The following ADGRG1 variants were observed in gnomAD, a reference collection of about 807,000 sequenced individuals.
ADGRG1 encodes 7-transmembrane protein with no EGF-like N-terminal domains-1.
ADGRG1 carries 53 observed loss-of-function variants against 73.5 expected under a neutral mutation model. The ratio of observed to expected loss-of-function variants is 0.72; its 90% CI spans 0.58 to 0.91. The LOEUF is 0.91. Among genes scored for constraint, ADGRG1 ranks in the 40% least tolerant of loss-of-function variants. ADGRG1 has a pLI of 0.00. For missense variants in ADGRG1, 795 were observed against 871.8 expected (o/e 0.91, Z 1.11); for synonymous variants, 394 against 374.4 (o/e 1.05, Z -0.60).
rs766928048 is a variant in ADGRG1, at chr16:57,639,748, CCT to C, written c.-35-10504_-35-10503del. On this transcript the variant is annotated intron_variant, in intron 1 of 13. Coordinates refer to ENST00000562631, the MANE Select transcript of ADGRG1 (RefSeq NM_201525.4). ...CCCTCTCCCTGCTCCCCGCTTCTCC[CCT>C]GTCTTCCTCCTTCACTCCCCTTCCC... The C allele has an allele frequency of 1.8e-3, 1,537 of 845,370 alleles. 4 individuals carry two copies. The highest frequency in any genetic ancestry group is 2.1e-3 in the Non-Finnish European group (1,482 of 702,056). The allele number at this position is 845,370 out of a possible 1,614,324, so 52.4% of individuals were successfully genotyped here. A position where few individuals can be genotyped will look rare whatever the true frequency, so the allele number is the denominator to read the frequency against.
chr16:57,640,653 GGGCCCAGGCACA>G (rs1479364324), intron 1 of ADGRG1, among the ~76,000 whole-genome samples: 2 of 152,346 alleles, frequency 1.3e-5, no homozygotes, highest in Non-Finnish European at 1.5e-5. Flanking sequence ...TCCCTGGACG[GGGCCCAGGCACA>G]GTCAGGCTCG....
intron 1 of ADGRG1, chr16:57,646,687 C>T: frequency 1.0e-6 from 1 of 985,082 alleles, no homozygotes; most frequent in Non-Finnish European, 1.2e-6. Flanking sequence ...TCAATGCCAG[C>T]TCTACAAGGA....
At chr16:57,660,483 C>T in intron 11 of ADGRG1, 1 of 795,016 alleles carries the variant, frequency 1.3e-6, no homozygotes, top group African/African-American at 1.9e-5. Context: ...CCTGTGACAT[C>T]CAGCCCTGCA....
At chr16:57,630,751 T>A in intron 1 of ADGRG1, 1 of 241,642 alleles carries the variant, frequency 4.1e-6, no homozygotes, top group Non-Finnish European at 6.7e-6. Flanking sequence ...AGGGAGCCTC[T>A]GCGGAAGGCA....
chr16:57,664,882 G>A lies in ADGRG1; in HGVS notation c.*1300G>A, dbSNP rs1301425368. 3 of 154,006 alleles carry A rather than the reference G, an allele frequency of 1.9e-5. No individual in the cohort carries two copies. The highest frequency in any genetic ancestry group is 1.9e-4 in the East Asian group (1 of 5,206). 9.5% of individuals were successfully genotyped at this position (154,006 alleles called of 1,614,324 possible). ...GGAGTCAGCGTTCAATCTTGACCTTGAAGATGGGAAGGATGTTCTTTTTAC... is the reference window on the plus strand; with the variant it reads ...GGAGTCAGCGTTCAATCTTGACCTTAAAGATGGGAAGGATGTTCTTTTTAC... On this transcript the variant is annotated 3_prime_UTR_variant, in exon 14 of 14. Coordinates refer to ENST00000562631, the MANE Select transcript of ADGRG1 (RefSeq NM_201525.4).
In ADGRG1 at chr16:57,659,613, G is replaced by A. The variant is rs770608620; in HGVS notation, c.1487G>A (p.Arg496Gln). 9.3e-6 allele frequency: 15 copies of A among 1,613,164 alleles called. No homozygotes were observed. The highest frequency in any genetic ancestry group is 1.6e-4 in the Middle Eastern group (1 of 6,080). ...WMGLEGYNLYRLVVEVFGTYV... is the reference protein window; with the variant it reads ...WMGLEGYNLYQLVVEVFGTYV... Reference sequence around the variant, plus strand: ...GGCCTCGAGGGGTACAACCTCTACCGACTCGTGGTGGAGGTCTTTGGCACC... The same window carrying A: ...GGCCTCGAGGGGTACAACCTCTACCAACTCGTGGTGGAGGTCTTTGGCACC... The change falls in exon 11 of 14, where the codon CGA becomes CAA. Residue 496 changes from arginine to glutamine, a missense_variant. Physicochemically the swap from Arg to Gln is conservative, Grantham distance 43. Coordinates refer to ENST00000562631, the MANE Select transcript of ADGRG1 (RefSeq NM_201525.4).
rs746165280 is a variant in ADGRG1 at position 57,659,399 on chromosome 16, C to T, written c.1287-14C>T. On this transcript the variant is annotated splice_polypyrimidine_tract_variant and intron_variant, in intron 10 of 13. Transcript: ENST00000562631. The stretch of plus-strand genomic sequence containing the variant: ...CTTCCCACACTGGCCCACCAGGGTG[C>T]CCCTGCCGTGCAGGAGGAAACCTCG... 1 of 1,613,218 alleles carries T rather than the reference C, an allele frequency of 6.2e-7. No homozygotes were observed. Among genetic ancestry groups the T allele is most frequent in the South Asian group, 1.1e-5 (1 of 91,086 alleles).
Position 57,657,359 on chromosome 16 carries a change from T to G in ADGRG1, c.1168-14T>G, listed in dbSNP as rs2045991270. On this transcript the variant is annotated splice_polypyrimidine_tract_variant and intron_variant, in intron 9 of 13. Coordinates refer to ENST00000562631, the MANE Select transcript of ADGRG1 (RefSeq NM_201525.4). ...GGACACAGAGGCCAGCTCTCTCCTG[T>G]CTCCTGGGGCCAGGTCTCCTCGGTG... 6.2e-7 allele frequency: 1 copy of G among 1,613,814 alleles called. No individual in the cohort carries two copies. The highest frequency in any genetic ancestry group is 1.3e-5 in the African/African-American group (1 of 75,018).
intron 1 of ADGRG1, chr16:57,635,031 G>C: frequency 2.0e-6 from 2 of 985,336 alleles, no homozygotes; most frequent in East Asian, 1.1e-4. Flanking sequence ...AGGGAGCAGA[G>C]GGGGAGAGGG....
chr16:57,625,972 G>T (rs2035758549), upstream of ADGRG1, among the ~76,000 whole-genome samples: 1 of 152,058 alleles, frequency 6.6e-6, no homozygotes, highest in Admixed American at 6.5e-5. Flanking sequence ...GGGCTCTGGG[G>T]TCTACACGCT....
rs1597495585 is a variant in ADGRG1 at position 57,653,331 on chromosome 16, A to C, written c.616A>C (p.Ser206Arg). The C allele has an allele frequency of 6.2e-7, 1 of 1,609,166 alleles. No individual in the cohort carries two copies. Among genetic ancestry groups the C allele is most frequent in the East Asian group, 2.2e-5 (1 of 44,860 alleles). ...ASRRPSAAPA[S>R]QQLQSLESKL... ...AAGGAGGCCCTCGGCTGCCCCCGCC[A>C]GCCAGTAAGTTTGGCACCTGGGGCT... The change falls in exon 4 of 14, where the codon AGC (serine) becomes CGC (arginine). Residue 206 changes from serine to arginine, a missense_variant. By Grantham distance (110) the Ser-to-Arg change is moderately radical. Coordinates refer to ENST00000562631, the MANE Select transcript of ADGRG1 (RefSeq NM_201525.4).
intron 1 of ADGRG1, chr16:57,647,739 C>G (rs1373997447): frequency 1.0e-6 from 1 of 969,808 alleles, no homozygotes; most frequent in Non-Finnish European, 1.2e-6. Context: ...GGCTGTCCAC[C>G]TTGGAGTAGT....
intron 1 of ADGRG1, chr16:57,647,831 C>T: frequency 1.1e-6 from 1 of 937,598 alleles, no homozygotes; most frequent in Non-Finnish European, 1.3e-6. Context: ...TGGATTTCTT[C>T]CGTGGAACCC....
In ADGRG1 at chr16:57,665,448, A is replaced by G. The variant is rs78745703; in HGVS notation, c.*1866A>G. 1 of 152,232 alleles carries G rather than the reference A, an allele frequency of 6.6e-6. No individual in the cohort carries two copies. Among genetic ancestry groups the G allele is most frequent in the Non-Finnish European group, 1.5e-5 (1 of 68,016 alleles). 9.4% of individuals were successfully genotyped at this position (152,232 alleles called of 1,614,324 possible). ...TTTAAAATTTTGGCGAATCCAAAAC[A>G]TTTTCTGGCCAAAGAGATTACAGTC... is the stretch of plus-strand genomic sequence containing the variant. On this transcript the variant is annotated 3_prime_UTR_variant, in exon 14 of 14. Coordinates refer to ENST00000562631, the MANE Select transcript of ADGRG1 (RefSeq NM_201525.4).
At chr16:57,646,402 C>T (rs1400182061) in intron 1 of ADGRG1, 1 of 985,408 alleles carries the variant, frequency 1.0e-6, no homozygotes, top group East Asian at 1.1e-4. Context: ...ACCCTGGCCA[C>T]CTTCCACTCT....
In ADGRG1 at chr16:57,656,135, T is replaced by C. The variant is rs2045666396; in HGVS notation, c.1018-91T>C. The C allele has an allele frequency of 5.0e-6, 8 of 1,613,590 alleles. No homozygotes were observed. The East Asian group carries it at 1.8e-4, about 36-fold the overall frequency. ...GGTCCAAATGGGGCGGGTGGTGGCTTGACTGTGTTCTAGACTTCCTCTGCC... is the reference window on the plus strand; with the variant it reads ...GGTCCAAATGGGGCGGGTGGTGGCTCGACTGTGTTCTAGACTTCCTCTGCC... On this transcript the variant is annotated intron_variant, in intron 7 of 13. Coordinates refer to ENST00000562631, the MANE Select transcript of ADGRG1 (RefSeq NM_201525.4).
At chr16:57,622,587 T>C (rs1240112361) in intron 2 of ADGRG1, among the ~76,000 whole-genome samples, 1 of 152,008 alleles carries the variant, frequency 6.6e-6, no homozygotes, top group African/African-American at 2.4e-5. Context: ...CTGGCAGGCA[T>C]GTGATTGGGT....
chr16:57,647,557 T>A, intron 1 of ADGRG1: 1 of 550,302 alleles, frequency 1.8e-6, no homozygotes, highest in Non-Finnish European at 2.3e-6. Context: ...TATTCTTCTT[T>A]ACTAGTGAGG....
chr16:57,665,161 G>GA lies in ADGRG1; in HGVS notation c.*1591dup, dbSNP rs57510730. On this transcript the variant is annotated 3_prime_UTR_variant, in exon 14 of 14. Coordinates refer to ENST00000562631, the MANE Select transcript of ADGRG1 (RefSeq NM_201525.4). ...AAGAGAGAAGAGGGCTGTGTGTGAA[G>GA]AAAAAAAAAAAATCGACTGCTGGAA... is the stretch of plus-strand genomic sequence containing the variant. 20,857 of 143,618 alleles carry GA rather than the reference G, an allele frequency of 0.15. 1,710 individuals are homozygous for GA. The highest frequency in any genetic ancestry group is 0.24 in the African/African-American group (9,489 of 39,704). The allele number at this position is 143,618 out of a possible 1,614,324, so 8.9% of individuals were successfully genotyped here. A position where few individuals can be genotyped will look rare whatever the true frequency, so the allele number is the denominator to read the frequency against.
Sources: allele counts gnomAD v4.1 joint callset (sites outside exome capture counted in the v4.1 genomes callset), GRCh38; gene constraint gnomAD v4.1.1; transcripts MANE v1.5; gene names NCBI Gene and HGNC (gene_info 2026-07-23, HGNC 2026-07-21).